Variants in INSR observed in about 807,000 individuals in gnomAD.
INSR encodes insulin receptor, also known as IR.
INSR carries 67 observed loss-of-function variants against 142.6 expected under a neutral mutation model. The ratio of observed to expected loss-of-function variants is 0.47; its 90% confidence interval spans 0.39 to 0.58. The LOEUF (loss-of-function observed/expected upper bound fraction) is 0.58. Ranked by LOEUF, INSR falls within the 20% of genes least tolerant of loss-of-function variation. INSR has a pLI of 0.00. For synonymous variants in INSR, 756 were observed against 743.1 expected (o/e 1.02, Z -0.28); for missense variants, 1,248 against 1,833.2 (o/e 0.68, Z 5.83).
At chr19:7,161,695 A>G (rs16990079) in intron 9 of INSR, among the ~76,000 whole-genome samples, 17,395 of 152,182 alleles carry the variant, frequency 0.11, 1,319 homozygotes, top group South Asian at 0.24. Flanking sequence ...AGCTTTGCAC[A>G]GAAGTCTTGC....
At chr19:7,223,011 C>G (rs1451407631) in intron 2 of INSR, among the ~76,000 whole-genome samples, 1 of 152,078 alleles carries the variant, frequency 6.6e-6, no homozygotes, top group Non-Finnish European at 1.5e-5. Context: ...GGCAAAACAC[C>G]ATCTCTACTA....
chr19:7,170,734 G>A lies in INSR; in HGVS notation c.1286C>T (p.Ala429Val). Residue 429 changes from alanine (A) to valine (V), a missense_variant, in exon 6 of 22, where the codon GCC (alanine) becomes GTC (valine). Ala to Val is a moderately conservative substitution (Grantham distance 64). This residue lies in a region of INSR where 1,069 missense variants were observed against 1,654.0 expected (regional missense o/e 0.65). Coordinates refer to ENST00000302850, the MANE Select transcript of INSR (RefSeq NM_000208.4). ...CTGCCTTAGGTTCTGGTTGTCCAAG[G>A]CATAGAAGGAGTAGTTCCTATGGAA... ...TLEIGNYSFYALDNQNLRQLW... is the reference protein window; with the variant it reads ...TLEIGNYSFYVLDNQNLRQLW... 6.2e-7 allele frequency: 1 copy of A among 1,613,740 alleles called. No individual in the cohort carries two copies. Among genetic ancestry groups the A allele is most frequent in the Non-Finnish European group, 8.5e-7 (1 of 1,179,736 alleles).
Position 7,283,466 on chromosome 19 carries a change from G to T in INSR, c.100+10326C>A, listed in dbSNP as rs547009181. 1.2e-4 allele frequency among the ~76,000 whole-genome samples: 18 copies of T among 152,254 alleles called. No individual in the cohort carries two copies. The South Asian group carries it at 3.7e-3, about 32-fold the overall frequency. ...GTTTGGTTTGGTTTTTTTAGATGGG[G>T]TCTTGCTCTGTTGCCCTGGCTGGAA... On this transcript the variant is annotated intron_variant, in intron 1 of 21. Coordinates refer to ENST00000302850, the MANE Select transcript of INSR (RefSeq NM_000208.4).
chr19:7,261,783 G>A (rs763644070), intron 2 of INSR, among the ~76,000 whole-genome samples: 1 of 152,016 alleles, frequency 6.6e-6, no homozygotes, highest in Non-Finnish European at 1.5e-5. Context: ...CACCTACCTC[G>A]GCCTCCCAAA....
Position 7,166,990 on chromosome 19 carries a change from G to A in INSR, c.1611-586C>T, listed in dbSNP as rs1473911912. Reference sequence around the variant, plus strand: ...GTGTTTTGGATTTTGGATATTTTGGGGTTTTGAAATATTTGCATTTTACTA... The same window carrying A: ...GTGTTTTGGATTTTGGATATTTTGGAGTTTTGAAATATTTGCATTTTACTA... On this transcript the variant is annotated intron_variant, in intron 7 of 21. Transcript: ENST00000302850. This position sits in a 1 kb window ranked among gnomAD's most constrained non-coding sequence, Gnocchi z 4.1. 6.6e-6 allele frequency among the ~76,000 whole-genome samples: 1 copy of A among 152,022 alleles called. No individual in the cohort carries two copies. The highest frequency in any genetic ancestry group is 2.4e-5 in the African/African-American group (1 of 41,396).
chr19:7,202,399 C>T (rs1320513787), intron 2 of INSR, among the ~76,000 whole-genome samples: 1 of 152,136 alleles, frequency 6.6e-6, no homozygotes, highest in Non-Finnish European at 1.5e-5. Flanking sequence ...CCTTTGTCTC[C>T]ATGTTCACAT....
Position 7,123,017 on chromosome 19 carries a change from G to A in INSR, c.3259-28C>T, listed in dbSNP as rs369525718. On this transcript the variant is annotated intron_variant, in intron 17 of 21. Coordinates refer to ENST00000302850, the MANE Select transcript of INSR (RefSeq NM_000208.4). ...GCAGAGCAAGCAACCAGGGTTCTTG[G>A]AGGAGGGTCCGTGATTCGACTCACC... 2.0e-5 allele frequency: 31 copies of A among 1,526,916 alleles called. No homozygotes were observed. In the African/African-American group the frequency reaches 2.2e-4, roughly 11 times the overall value. The allele number at this position is 1,526,916 out of a possible 1,614,324, so 94.6% of individuals were successfully genotyped here.
chr19:7,153,470 A>C (rs138453196), intron 9 of INSR, among the ~76,000 whole-genome samples: 36 of 21,334 alleles, frequency 1.7e-3, no homozygotes, highest in Non-Finnish European at 0.013. Context: ...CACACACCAC[A>C]CACACACCAC....
At chr19:7,234,664 A>C (rs192728905) in intron 2 of INSR, among the ~76,000 whole-genome samples, 2 of 152,330 alleles carry the variant, frequency 1.3e-5, no homozygotes, top group African/African-American at 4.8e-5. Flanking sequence ...AAATGGGAGA[A>C]TCGACAGTTC....
Position 7,154,788 on chromosome 19 carries a change from G to A in INSR, c.2030-1861C>T, listed in dbSNP as rs574466451. On this transcript the variant is annotated intron_variant, in intron 9 of 21. Transcript: ENST00000302850. The stretch of plus-strand genomic sequence containing the variant: ...AAAATACAAAAGTTAGCCGGGCGTG[G>A]TGGTGGGTGCCTGTAATCCCAGCTA... Among the ~76,000 whole-genome samples, 682 of 152,074 alleles carry A rather than the reference G, an allele frequency of 4.5e-3. 8 individuals are homozygous for A. The highest frequency in any genetic ancestry group is 0.016 in the African/African-American group (652 of 41,546).
At chr19:7,164,802 G>A (rs2144935212) in intron 8 of INSR, among the ~76,000 whole-genome samples, 1 of 124,878 alleles carries the variant, frequency 8.0e-6, no homozygotes, top group South Asian at 2.7e-4. Flanking sequence ...CTCCAGCCTA[G>A]GCAACAAGAG....
chr19:7,125,263 C>A lies in INSR; in HGVS notation c.3258+20G>T, dbSNP rs755507424. The A allele has an allele frequency of 6.2e-7, 1 of 1,613,782 alleles. No homozygotes were observed. Among genetic ancestry groups the A allele is most frequent in the East Asian group, 2.2e-5 (1 of 44,870 alleles). On this transcript the variant is annotated intron_variant, in intron 17 of 21. Coordinates refer to ENST00000302850, the MANE Select transcript of INSR (RefSeq NM_000208.4). The surrounding 1 kb of genome is among the most constrained non-coding windows in gnomAD (Gnocchi z 4.9). ...AAGGGTCAGGAAAGCCAGCCCATGTCCCACCCCCACTGGACTCACCACGTG... is the reference window on the plus strand; with the variant it reads ...AAGGGTCAGGAAAGCCAGCCCATGTACCACCCCCACTGGACTCACCACGTG...
intron 10 of INSR, among the ~76,000 whole-genome samples, chr19:7,151,738 G>C (rs943576303): frequency 6.6e-6 from 1 of 152,036 alleles, no homozygotes; most frequent in Admixed American, 6.6e-5. Context: ...CACACTGGTG[G>C]TTCTGGGAGA....
At chr19:7,151,535 T>C (rs1003320038) in intron 10 of INSR, among the ~76,000 whole-genome samples, 2 of 151,490 alleles carry the variant, frequency 1.3e-5, no homozygotes, top group Non-Finnish European at 2.9e-5. Context: ...ATTCTCCCAC[T>C]TCGGCCTCCC....
At chr19:7,124,879 C>T (rs2144812894) in intron 17 of INSR, among the ~76,000 whole-genome samples, 1 of 151,332 alleles carries the variant, frequency 6.6e-6, no homozygotes, top group East Asian at 2.0e-4. Context: ...TCAGGTGGAC[C>T]TCTATGTGGT....
intron 2 of INSR, among the ~76,000 whole-genome samples, chr19:7,219,345 A>T (rs1405986822): frequency 4.6e-5 from 7 of 152,110 alleles, no homozygotes; most frequent in Non-Finnish European, 4.4e-5. Context: ...CATGGAGGGG[A>T]GCTCTGCAGC....
At chr19:7,191,701 A>G (rs4804372) in intron 2 of INSR, among the ~76,000 whole-genome samples, 106,556 of 151,802 alleles carry the variant, frequency 0.7, 37,580 homozygotes, top group Non-Finnish European at 0.72. Context: ...CACACCCGTA[A>G]ACCAATAGTC....
chr19:7,220,435 C>T (rs747771559), intron 2 of INSR, among the ~76,000 whole-genome samples: 18 of 152,126 alleles, frequency 1.2e-4, no homozygotes, highest in Non-Finnish European at 1.6e-4. Context: ...GGGCTACAGG[C>T]GCGCCACCAC....
chr19:7,189,454 C>A (rs761803795), intron 2 of INSR, among the ~76,000 whole-genome samples: 1 of 152,144 alleles, frequency 6.6e-6, no homozygotes, highest in Non-Finnish European at 1.5e-5. Flanking sequence ...CTGTAAAGGG[C>A]CACAAGCAAA....
Sources: gnomAD v4.1 joint callset for allele counts (sites outside exome capture counted in the v4.1 genomes callset) on GRCh38, gnomAD v4.1.1 for gene constraint, gnomAD v4.1.1 regional missense constraint, Gnocchi (gnomAD v3.1) non-coding constraint, MANE v1.5 for transcripts, NCBI Gene and HGNC (gene_info 2026-07-23, HGNC 2026-07-21) for gene names.